The following RGS17 variants were observed in gnomAD, a reference collection of about 807,000 sequenced individuals.
RGS17 encodes the protein regulator of G protein signaling 17.
A neutral mutation model predicts 25.5 loss-of-function variants in RGS17; 12 were observed. The ratio of observed to expected loss-of-function variants is 0.47; its 90% CI spans 0.30 to 0.76. The LOEUF (loss-of-function observed/expected upper bound fraction) is 0.76, where lower values mean the gene tolerates loss of function less well. Ranked by LOEUF, RGS17 falls within the 30% of genes least tolerant of loss-of-function variation. The pLI is 0.07. For missense variants in RGS17, 196 were observed against 242.2 expected (o/e 0.81, Z 1.27); for synonymous variants, 71 against 76.9 (o/e 0.92, Z 0.40).
rs1021496703 is a variant in RGS17 at position 153,070,714 on chromosome 6, T to TATATACACATATAC, written c.-25-26685_-25-26672dup. ...GTGTGTGTGTGTGTATATACATATATATATACACATATACATATACACATA... is the reference window on the plus strand; with the variant it reads ...GTGTGTGTGTGTGTATATACATATATATATACACATATACATATACACATATACATATACACATA... On this transcript the variant is annotated intron_variant, in intron 1 of 4. Transcript: ENST00000206262. 2.7e-5 allele frequency among the ~76,000 whole-genome samples: 4 copies of TATATACACATATAC among 150,658 alleles called. No individual in the cohort carries two copies. The Admixed American group carries it at 2.7e-4, about 10-fold the overall frequency.
At chr6:153,119,623 G>A (rs758294777) in intron 1 of RGS17, among the ~76,000 whole-genome samples, 1 of 152,028 alleles carries the variant, frequency 6.6e-6, no homozygotes, top group Non-Finnish European at 1.5e-5. Context: ...AACCCGGGAG[G>A]TGGAGGTTGC....
intron 1 of RGS17, among the ~76,000 whole-genome samples, chr6:153,126,355 TA>T (rs1316301536): frequency 6.6e-6 from 1 of 152,182 alleles, no homozygotes; most frequent in Non-Finnish European, 1.5e-5. Context: ...TCCGGACTTC[TA>T]AAAAGAAGTG....
At chr6:153,090,986 G>A (rs1777123092) in intron 1 of RGS17, among the ~76,000 whole-genome samples, 1 of 152,076 alleles carries the variant, frequency 6.6e-6, no homozygotes, top group East Asian at 1.9e-4. Context: ...AACAAAGTAA[G>A]ACCATTTAAC....
chr6:153,067,532 G>T (rs1562325194), intron 1 of RGS17, among the ~76,000 whole-genome samples: 1 of 151,740 alleles, frequency 6.6e-6, no homozygotes, highest in Non-Finnish European at 1.5e-5. Flanking sequence ...ATCTGAAAAA[G>T]AAACCAAAAA....
chr6:153,033,767 G>T (rs1199876773), intron 2 of RGS17, among the ~76,000 whole-genome samples: 1 of 151,908 alleles, frequency 6.6e-6, no homozygotes, highest in Non-Finnish European at 1.5e-5. Flanking sequence ...AAAAATACAT[G>T]CCAATCATCA....
At chr6:153,092,025 A>G (rs1477207403) in intron 1 of RGS17, among the ~76,000 whole-genome samples, 2 of 152,190 alleles carry the variant, frequency 1.3e-5, no homozygotes, top group East Asian at 1.9e-4. Context: ...CGATGTCCAG[A>G]TTCAGCTGGA....
chr6:153,129,396 C>G (rs1413482311), intron 1 of RGS17, among the ~76,000 whole-genome samples: 32 of 152,178 alleles, frequency 2.1e-4, no homozygotes, highest in Admixed American at 2.1e-3. Flanking sequence ...TTGGATAATA[C>G]TCTCACTACA....
chr6:153,015,799 G>A (rs762896852), intron 4 of RGS17, among the ~76,000 whole-genome samples: 4 of 151,958 alleles, frequency 2.6e-5, no homozygotes, highest in East Asian at 1.9e-4. Context: ...GACTACAGGC[G>A]CCCGCCACCA....
At chr6:153,029,519 G>A (rs1047427951) in intron 2 of RGS17, among the ~76,000 whole-genome samples, 3 of 151,890 alleles carry the variant, frequency 2.0e-5, no homozygotes, top group Non-Finnish European at 4.4e-5. Flanking sequence ...TGTGTTTGAG[G>A]AAAGCCCTAA....
intron 2 of RGS17, among the ~76,000 whole-genome samples, chr6:153,043,329 A>G (rs1254109172): frequency 6.6e-6 from 1 of 152,168 alleles, no homozygotes; most frequent in Admixed American, 6.5e-5. Flanking sequence ...CTTCATTCCA[A>G]GCACAGCCAC....
At chr6:153,087,113 T>G (rs150408077) in intron 1 of RGS17, among the ~76,000 whole-genome samples, 1,739 of 150,902 alleles carry the variant, frequency 0.012, 102 homozygotes, top group African/African-American at 0.04. Context: ...CGAAACCCCA[T>G]CTCTACTAAA....
chr6:153,011,797 ATT>A (rs775759749), intron 4 of RGS17, 35 bp from the exon 5 acceptor site: 1 of 923,570 alleles, frequency 1.1e-6, no homozygotes, highest in Non-Finnish European at 1.5e-6. Flanking sequence ...ATTAAATAAT[ATT>A]TTTTTCAAAA....
intron 3 of RGS17, 104 bp downstream of exon 3, chr6:153,026,350 C>T: frequency 1.5e-6 from 1 of 648,130 alleles, no homozygotes; most frequent in African/African-American, 1.9e-5. Context: ...TTCCCAAAAT[C>T]ATTTTGAAGA....
chr6:153,123,969 G>A (rs1017305680), intron 1 of RGS17, among the ~76,000 whole-genome samples: 1 of 152,198 alleles, frequency 6.6e-6, no homozygotes, highest in African/African-American at 2.4e-5. Context: ...CCAGTCTGTT[G>A]TTGTTCTGAT....
chr6:153,011,909 A>G (rs1779137647), intron 4 of RGS17, 147 bp from the exon 5 acceptor site: 2 of 549,394 alleles, frequency 3.6e-6, no homozygotes, highest in Admixed American at 7.2e-5. Flanking sequence ...GAGACTACAC[A>G]ACCTTATGTA....
intron 1 of RGS17, among the ~76,000 whole-genome samples, chr6:153,096,399 T>C (rs1240424529): frequency 2.0e-5 from 3 of 152,224 alleles, no homozygotes; most frequent in Non-Finnish European, 2.9e-5. Context: ...TTGCAATGCA[T>C]GTAAAGTGCT....
intron 1 of RGS17, among the ~76,000 whole-genome samples, chr6:153,108,490 T>A (rs1584161092): frequency 6.6e-6 from 1 of 151,928 alleles, no homozygotes; most frequent in African/African-American, 2.4e-5. Flanking sequence ...ATTTCCAGCC[T>A]GAGAAAAAAT....
At position 153,009,609 on chromosome 6, in the gene RGS17, TAACA is replaced by T. The variant is rs1437483092; in HGVS notation, c.*1961_*1964del. On this transcript the variant is annotated 3_prime_UTR_variant, in exon 5 of 5. Coordinates refer to ENST00000206262, the MANE Select transcript of RGS17 (RefSeq NM_012419.5). ...ATGAATAAAATATGTCTTAACACAC[TAACA>T]CTTTCAGAAAACACAGGCATTTGTT... 6.6e-6 allele frequency: 1 copy of T among 151,796 alleles called. No individual in the cohort carries two copies. Among genetic ancestry groups the T allele is most frequent in the Non-Finnish European group, 1.5e-5 (1 of 67,854 alleles). 9.4% of individuals were successfully genotyped at this position (151,796 alleles called of 1,614,324 possible). A position where few individuals can be genotyped will look rare whatever the true frequency, so the allele number is the denominator to read the frequency against.
In RGS17 at chr6:153,084,279, C is replaced by T. The variant is rs564554709; in HGVS notation, c.-25-40236G>A. 3.5e-3 allele frequency among the ~76,000 whole-genome samples: 528 copies of T among 152,290 alleles called. 3 individuals are homozygous for T. The highest frequency in any genetic ancestry group is 7.3e-3 in the Admixed American group (112 of 15,294). ...TACTCCTAGATGATCAGTTATAGAG[C>T]CTGTCTTCCTGGCCCTCTTAGAGAC... is the stretch of plus-strand genomic sequence containing the variant. On this transcript the variant is annotated intron_variant, in intron 1 of 4. Transcript: ENST00000206262.
Sources: allele counts gnomAD v4.1 joint callset (sites outside exome capture counted in the v4.1 genomes callset), GRCh38; gene constraint gnomAD v4.1.1; transcripts MANE v1.5; gene names NCBI Gene and HGNC (gene_info 2026-07-23, HGNC 2026-07-21).